The following CLSTN2 variants were observed in gnomAD, a reference collection of about 807,000 sequenced individuals.
CLSTN2 encodes calsyntenin-2.
Under a neutral mutation model 101.2 loss-of-function variants are expected in CLSTN2, and 48 were observed. The observed-to-expected ratio is 0.47, with a 90% CI of 0.38 to 0.60. CLSTN2 has a LOEUF of 0.60. Among genes scored for constraint, CLSTN2 ranks in the 20% least tolerant of loss-of-function variants. The pLI, the probability that CLSTN2 is intolerant of heterozygous loss-of-function variation, is 0.00. For missense variants in CLSTN2, 1,160 were observed against 1,238.2 expected (o/e 0.94, Z 0.95); for synonymous variants, 481 against 463.6 (o/e 1.04, Z -0.48).
intron 5 of CLSTN2, among the ~76,000 whole-genome samples, chr3:140,448,246 C>T (rs917319192): frequency 4.1e-5 from 6 of 147,776 alleles, no homozygotes; most frequent in Admixed American, 2.7e-4. Context: ...TGTGTGTGCT[C>T]ATGTGAGTAT....
intron 2 of CLSTN2, among the ~76,000 whole-genome samples, chr3:140,253,786 CTTACAG>C (rs1321420744): frequency 2.6e-5 from 4 of 150,960 alleles, no homozygotes; most frequent in African/African-American, 4.9e-5. Flanking sequence ...TTTTTTTTCT[CTTACAG>C]TTACAGTACC....
chr3:140,339,752 C>A (rs1398630786), intron 2 of CLSTN2, among the ~76,000 whole-genome samples: 1 of 152,230 alleles, frequency 6.6e-6, no homozygotes, highest in African/African-American at 2.4e-5. Flanking sequence ...TATGCAAAAA[C>A]CATTACACAT....
chr3:140,127,791 G>A (rs1033781946), intron 1 of CLSTN2, among the ~76,000 whole-genome samples: 4 of 152,072 alleles, frequency 2.6e-5, no homozygotes, highest in African/African-American at 9.7e-5. Context: ...TATAAAGCAG[G>A]TAGAACAGGG....
At chr3:140,244,268 C>G (rs1319651463) in intron 2 of CLSTN2, among the ~76,000 whole-genome samples, 1 of 152,156 alleles carries the variant, frequency 6.6e-6, no homozygotes, top group Non-Finnish European at 1.5e-5. Context: ...AGAGGGGTTA[C>G]CTGATTGCAT....
intron 2 of CLSTN2, among the ~76,000 whole-genome samples, chr3:140,259,738 C>A (rs1355448117): frequency 6.6e-6 from 1 of 152,082 alleles, no homozygotes; most frequent in Non-Finnish European, 1.5e-5. Context: ...TAATTATACA[C>A]TATATATTCT....
intron 5 of CLSTN2, among the ~76,000 whole-genome samples, chr3:140,422,297 G>A (rs2107992066): frequency 6.6e-6 from 1 of 152,096 alleles, no homozygotes; most frequent in South Asian, 2.1e-4. Flanking sequence ...ACTGATGCCA[G>A]ACCACCCTAT....
chr3:140,443,822 G>A (rs1402262863), intron 5 of CLSTN2, among the ~76,000 whole-genome samples: 3 of 152,138 alleles, frequency 2.0e-5, no homozygotes, highest in Non-Finnish European at 4.4e-5. Flanking sequence ...GCCCACGAGG[G>A]GATATAATTT....
rs749557177 is a variant in CLSTN2, at chr3:140,532,425, C to T, written c.1446C>T (p.Asn482=). The T allele has an allele frequency of 2.9e-5, 47 of 1,613,846 alleles. No individual in the cohort carries two copies. The highest frequency in any genetic ancestry group is 4.0e-5 in the African/African-American group (3 of 74,894). The part of the protein sequence containing the change: ...GATYEPYLVT[N]DWPIHPSHIA... ...CATATGAACCATACCTGGTGACCAA[C>T]GACTGGCCCATTCATCCATCTCACA... Residue 482 remains asparagine (N), a synonymous_variant, in exon 9 of 17, where the codon AAC becomes AAT. Transcript: ENST00000458420.
At chr3:140,302,380 A>G (rs1048089011) in intron 2 of CLSTN2, among the ~76,000 whole-genome samples, 7 of 152,170 alleles carry the variant, frequency 4.6e-5, no homozygotes, top group African/African-American at 1.7e-4. Flanking sequence ...AAAAAGAATG[A>G]GAGAGAAAAT....
chr3:140,436,159 T>C (rs2088685551), intron 5 of CLSTN2, among the ~76,000 whole-genome samples: 1 of 152,208 alleles, frequency 6.6e-6, no homozygotes, highest in Admixed American at 6.5e-5. Context: ...TTGCCCAGAC[T>C]AATCAGTGTC....
intron 7 of CLSTN2, chr3:140,462,954 C>T (rs1933597758): frequency 6.6e-6 from 1 of 152,230 alleles, no homozygotes; most frequent in African/African-American, 2.4e-5. Flanking sequence ...CACATTGCCC[C>T]ACCTACCCAT....
chr3:140,143,467 C>T (rs565214401), intron 1 of CLSTN2, among the ~76,000 whole-genome samples: 5 of 152,294 alleles, frequency 3.3e-5, no homozygotes, highest in South Asian at 2.1e-4. Flanking sequence ...AAATGCCTGT[C>T]CACATTGTTG....
intron 2 of CLSTN2, among the ~76,000 whole-genome samples, chr3:140,385,357 CTTTTTT>C (rs546696189): frequency 5.5e-5 from 4 of 72,832 alleles, no homozygotes; most frequent in South Asian, 5.7e-4. Context: ...CCCTGATGTT[CTTTTTT>C]TTTTTTTTTT....
At chr3:140,076,195 A>G (rs1425487915) in intron 1 of CLSTN2, among the ~76,000 whole-genome samples, 1 of 152,160 alleles carries the variant, frequency 6.6e-6, no homozygotes, top group Non-Finnish European at 1.5e-5. Context: ...CACTTAGCAT[A>G]ATGTTCTTCG....
chr3:140,365,031 G>A (rs2087770309), intron 2 of CLSTN2, among the ~76,000 whole-genome samples: 1 of 152,206 alleles, frequency 6.6e-6, no homozygotes, highest in African/African-American at 2.4e-5. Context: ...ACATGAAGAT[G>A]CCTAGGGGCT....
At chr3:140,476,682 T>C (rs923930985) in intron 8 of CLSTN2, among the ~76,000 whole-genome samples, 6 of 141,966 alleles carry the variant, frequency 4.2e-5, no homozygotes, top group South Asian at 4.4e-4. Context: ...TTTCCTGATA[T>C]GGAGTCTCGC....
chr3:140,451,267 G>A (rs928893919), intron 6 of CLSTN2, among the ~76,000 whole-genome samples: 1 of 152,304 alleles, frequency 6.6e-6, no homozygotes, highest in Middle Eastern at 3.4e-3. Flanking sequence ...GGGAGATATG[G>A]AGTGTAATAA....
intron 1 of CLSTN2, among the ~76,000 whole-genome samples, chr3:139,987,949 C>T (rs890303806): frequency 6.6e-6 from 1 of 152,192 alleles, no homozygotes. Flanking sequence ...AAGTGGTTTT[C>T]TCACAGGGAA....
chr3:140,373,401 A>C (rs2087880167), intron 2 of CLSTN2, among the ~76,000 whole-genome samples: 1 of 152,228 alleles, frequency 6.6e-6, no homozygotes, highest in South Asian at 2.1e-4. Flanking sequence ...CCCAGTGTTA[A>C]CAACTACATT....
Sources: gnomAD v4.1 joint callset for allele counts (sites outside exome capture counted in the v4.1 genomes callset) on GRCh38, gnomAD v4.1.1 for gene constraint, MANE v1.5 for transcripts, NCBI Gene and HGNC (gene_info 2026-07-23, HGNC 2026-07-21) for gene names.